Variants in DNAJC15 observed in about 807,000 individuals in gnomAD.
DNAJC15 encodes the protein dnaJ homolog subfamily C member 15.
Under a neutral mutation model 22.4 loss-of-function variants are expected in DNAJC15, and 27 were observed. The observed-to-expected ratio is 1.20, with a 90% CI of 0.89 to 1.66. DNAJC15 has a LOEUF of 1.66. Ranked by LOEUF, DNAJC15 falls within the 40% of genes most tolerant of loss-of-function variation. DNAJC15 has a pLI of 0.00. For synonymous variants in DNAJC15, 79 were observed against 63.2 expected, an observed-to-expected ratio of 1.25 and a Z score of -1.19; for missense variants, 208 against 187.1, an observed-to-expected ratio of 1.11 and a Z score of -0.65.
chr13:43,046,885 C>T (rs9525726), intron 1 of DNAJC15, among the ~76,000 whole-genome samples: 33,568 of 148,282 alleles, frequency 0.23, 4,421 homozygotes, highest in Non-Finnish European at 0.3. Flanking sequence ...TGCACATTGC[C>T]GCACCTGATC....
chr13:43,024,143 C>T (rs879924512), intron 1 of DNAJC15, among the ~76,000 whole-genome samples: 5 of 152,042 alleles, frequency 3.3e-5, no homozygotes, highest in Non-Finnish European at 5.9e-5. Context: ...AAAAACAGTC[C>T]ATTCAGCAAG....
chr13:43,044,759 A>G (rs1285802536), intron 1 of DNAJC15, among the ~76,000 whole-genome samples: 1 of 151,898 alleles, frequency 6.6e-6, no homozygotes, highest in African/African-American at 2.4e-5. Context: ...CTCCATATCC[A>G]GTGTCTCAGC....
rs199692935 is a variant in DNAJC15 at position 43,071,054 on chromosome 13, GTTTCT to G, written c.234+2057_234+2061del. On this transcript the variant is annotated intron_variant, in intron 3 of 5. Coordinates refer to ENST00000379221, the MANE Select transcript of DNAJC15 (RefSeq NM_013238.3). ...ATAAATGGAAAGAATTTCAGAAATC[GTTTCT>G]TTTCTGTTACGGTGATCTTCAATAT... is the stretch of plus-strand genomic sequence containing the variant. Among the ~76,000 whole-genome samples, 82 of 152,142 alleles carry G rather than the reference GTTTCT, an allele frequency of 5.4e-4. 1 individual carries two copies. The East Asian group carries it at 0.016, about 29-fold the overall frequency.
At chr13:43,062,574 G>T (rs2040563967) in intron 1 of DNAJC15, among the ~76,000 whole-genome samples, 1 of 152,076 alleles carries the variant, frequency 6.6e-6, no homozygotes, top group African/African-American at 2.4e-5. Flanking sequence ...ATGCCTGATG[G>T]TTTAATGTTT....
chr13:43,087,069 CTTT>C (rs1283247872), intron 5 of DNAJC15, among the ~76,000 whole-genome samples: 1 of 152,102 alleles, frequency 6.6e-6, no homozygotes, highest in East Asian at 1.9e-4. Flanking sequence ...TTCTAAAGTC[CTTT>C]TTGTTTGCAT....
intron 5 of DNAJC15, among the ~76,000 whole-genome samples, chr13:43,102,014 C>T (rs1054270344): frequency 7.2e-5 from 11 of 152,122 alleles, no homozygotes; most frequent in Non-Finnish European, 7.4e-5. Flanking sequence ...TACTATTTTC[C>T]GTAGTGGTTA....
intron 1 of DNAJC15, among the ~76,000 whole-genome samples, chr13:43,045,742 G>C (rs915302167): frequency 1.3e-5 from 2 of 152,278 alleles, no homozygotes; most frequent in Admixed American, 6.5e-5. Context: ...CAGGTACTGA[G>C]TATAAAATAT....
At chr13:43,101,869 A>G (rs761757311) in intron 5 of DNAJC15, among the ~76,000 whole-genome samples, 20 of 152,264 alleles carry the variant, frequency 1.3e-4, no homozygotes, top group African/African-American at 2.9e-4. Context: ...TATTTTTACA[A>G]TTGTGAATTG....
At chr13:43,093,505 G>C (rs1462710065) in intron 5 of DNAJC15, among the ~76,000 whole-genome samples, 3 of 152,148 alleles carry the variant, frequency 2.0e-5, no homozygotes, top group Admixed American at 1.3e-4. Context: ...CGGCCTCTCA[G>C]ACTCAAGCAG....
At chr13:43,075,659 ATTCCTCTAAGTCCCTCGTT>A (rs2040630200) in intron 3 of DNAJC15, among the ~76,000 whole-genome samples, 1 of 152,150 alleles carries the variant, frequency 6.6e-6, no homozygotes. Context: ...ACCAGCCCCT[ATTCCTCTAAGTCCCTCGTT>A]TTTTGAGACA....
At chr13:43,030,158 C>A (rs1175756589) in intron 1 of DNAJC15, among the ~76,000 whole-genome samples, 1 of 152,068 alleles carries the variant, frequency 6.6e-6, no homozygotes, top group Non-Finnish European at 1.5e-5. Context: ...ATTAATATCT[C>A]CAATAACACA....
intron 1 of DNAJC15, among the ~76,000 whole-genome samples, chr13:43,051,766 C>G (rs1405244529): frequency 2.0e-5 from 3 of 151,980 alleles, no homozygotes. Context: ...TGTGCAGTAT[C>G]TTTTTCATAT....
Position 43,060,303 on chromosome 13 carries a change from TG to T in DNAJC15, c.109-5382del, listed in dbSNP as rs368717572. On this transcript the variant is annotated intron_variant, in intron 1 of 5. Coordinates refer to ENST00000379221, the MANE Select transcript of DNAJC15 (RefSeq NM_013238.3). ...GGGGTAAGGGGTAATATTGTGGGGT[TG>T]TTAGAAGGAGCATTTGTCATATAGA... Among the ~76,000 whole-genome samples the T allele has an allele frequency of 2.7e-4, 41 of 152,212 alleles. No homozygotes were observed. The East Asian group carries it at 4.6e-3, about 17-fold the overall frequency.
At chr13:43,055,697 T>C (rs1422419801) in intron 1 of DNAJC15, among the ~76,000 whole-genome samples, 2 of 152,338 alleles carry the variant, frequency 1.3e-5, no homozygotes, top group Non-Finnish European at 2.9e-5. Flanking sequence ...TGTTTCACTT[T>C]TGTTTTGTTG....
At chr13:43,103,554 T>C (rs1011828529) in intron 5 of DNAJC15, among the ~76,000 whole-genome samples, 3 of 152,276 alleles carry the variant, frequency 2.0e-5, no homozygotes, top group Admixed American at 6.5e-5. Context: ...GACTTGCTTT[T>C]AGCCTAGCAC....
At chr13:43,086,691 A>C (rs2040690369) in intron 5 of DNAJC15, among the ~76,000 whole-genome samples, 1 of 152,224 alleles carries the variant, frequency 6.6e-6, no homozygotes, top group Admixed American at 6.5e-5. Flanking sequence ...TTTAGTGTGA[A>C]TAAACATGAG....
At chr13:43,087,825 T>C (rs887768507) in intron 5 of DNAJC15, among the ~76,000 whole-genome samples, 2 of 152,168 alleles carry the variant, frequency 1.3e-5, no homozygotes, top group East Asian at 3.8e-4. Flanking sequence ...GTGTGGGAAA[T>C]GGCTGAAAAT....
chr13:43,079,448 A>G (rs950661660), intron 4 of DNAJC15, among the ~76,000 whole-genome samples: 2 of 152,176 alleles, frequency 1.3e-5, no homozygotes, highest in East Asian at 1.9e-4. Context: ...CTTATGACCT[A>G]GCAGAAAAAA....
chr13:43,076,288 TGAA>T (rs1188250322), intron 3 of DNAJC15, among the ~76,000 whole-genome samples: 5 of 152,222 alleles, frequency 3.3e-5, no homozygotes, highest in Admixed American at 3.3e-4. Flanking sequence ...CAGCAATTGC[TGAA>T]GTGTTTATTG....
Sources: gnomAD v4.1 joint callset for allele counts (sites outside exome capture counted in the v4.1 genomes callset) on GRCh38, gnomAD v4.1.1 for gene constraint, MANE v1.5 for transcripts, NCBI Gene and HGNC (gene_info 2026-07-23, HGNC 2026-07-21) for gene names.